KIF1B: variants seen among roughly 807,000 people sequenced by gnomAD.
KIF1B encodes the protein kinesin-like protein KIF1B.
Under a neutral mutation model 241.9 loss-of-function variants are expected in KIF1B, and 76 were observed. That is an observed-to-expected ratio of 0.31 (90% CI 0.26 to 0.38). The LOEUF (loss-of-function observed/expected upper bound fraction) is 0.38, where lower values mean the gene tolerates loss of function less well. Ranked by LOEUF, KIF1B falls within the 10% of genes least tolerant of loss-of-function variation. The pLI is 1.00. For synonymous variants in KIF1B, 750 were observed against 796.7 expected, an observed-to-expected ratio of 0.94 and a Z score of 0.99; for missense variants, 1,622 against 2,271.4, an observed-to-expected ratio of 0.71 and a Z score of 5.81.
rs1647933731 is a variant in KIF1B, at chr1:10,258,587, T to G, written c.278T>G (p.Ile93Ser). The G allele has an allele frequency of 1.2e-6, 2 of 1,614,022 alleles. No homozygotes were observed. The highest frequency in any genetic ancestry group is 3.3e-5 in the Admixed American group (2 of 59,988). ...GCCTTTGAGGGATATAATGTCTGTATTTTTGCCTATGGGCAGACTGGTGCT... is the reference window on the plus strand; with the variant it reads ...GCCTTTGAGGGATATAATGTCTGTAGTTTTGCCTATGGGCAGACTGGTGCT... Reference protein sequence around the residue: ...LHAFEGYNVCIFAYGQTGAGK... With the variant: ...LHAFEGYNVCSFAYGQTGAGK... Residue 93 changes from isoleucine (I) to serine (S), a missense_variant, in exon 4 of 49, where the codon ATT becomes AGT. Ile to Ser is a moderately radical substitution (Grantham distance 142, BLOSUM62 -2). Around this residue, in one of 7 missense-constraint regions of KIF1B, gnomAD observed 156 missense variants for 244.8 expected, o/e 0.64. Transcript: ENST00000676179.
chr1:10,375,076 T>A (rs1347195526), intron 47 of KIF1B, 30 bp downstream of exon 47: 4 of 1,603,158 alleles, frequency 2.5e-6, no homozygotes. Flanking sequence ...GGTTTCTTAT[T>A]GCCACGTGTG....
At chr1:10,366,694 G>A (rs1310054398) in intron 43 of KIF1B, among the ~76,000 whole-genome samples, 1 of 152,126 alleles carries the variant, frequency 6.6e-6, no homozygotes, top group Non-Finnish European at 1.5e-5. Context: ...GATTTCTGGC[G>A]AGGGGCGGTG....
At chr1:10,257,121 G>A (rs1364542964) in intron 3 of KIF1B, among the ~76,000 whole-genome samples, 4 of 150,256 alleles carry the variant, frequency 2.7e-5, no homozygotes, top group Admixed American at 2.7e-4. Flanking sequence ...TTTTTTGTTT[G>A]TTTGTTTGTT....
intron 15 of KIF1B, among the ~76,000 whole-genome samples, chr1:10,285,673 A>G (rs950528123): frequency 2.6e-5 from 4 of 152,222 alleles, no homozygotes; most frequent in Admixed American, 2.0e-4. Context: ...CTGAAGCATA[A>G]GCACCTTAGT....
At chr1:10,240,043 G>A (rs1471389913) in intron 2 of KIF1B, among the ~76,000 whole-genome samples, 1 of 152,114 alleles carries the variant, frequency 6.6e-6, no homozygotes, top group Non-Finnish European at 1.5e-5. Context: ...TGGGATTACA[G>A]GCATAAGCCA....
At chr1:10,340,009 C>T (rs1569858458) in intron 32 of KIF1B, 150 bp downstream of exon 32, 1 of 723,848 alleles carries the variant, frequency 1.4e-6, no homozygotes. Context: ...GTGAGGTCAT[C>T]CACAGCGGCC....
At chr1:10,239,469 G>A (rs780667828) in intron 2 of KIF1B, among the ~76,000 whole-genome samples, 2 of 151,522 alleles carry the variant, frequency 1.3e-5, no homozygotes, top group African/African-American at 4.8e-5. Context: ...TTGAAATTTT[G>A]TAATATGGGT....
chr1:10,256,457 A>G, intron 3 of KIF1B, 134 bp downstream of exon 3: 1 of 716,612 alleles, frequency 1.4e-6, no homozygotes, highest in East Asian at 2.6e-5. Flanking sequence ...TCATTCTTTG[A>G]TACAGTGATA....
intron 28 of KIF1B, 65 bp from the exon 29 acceptor site, chr1:10,336,592 G>C: frequency 7.8e-7 from 1 of 1,279,942 alleles, no homozygotes; most frequent in Non-Finnish European, 1.1e-6. Context: ...TCCAGCAAGA[G>C]CTTTTTCCCT....
At chr1:10,235,903 A>G (rs1647045264) in intron 2 of KIF1B, among the ~76,000 whole-genome samples, 1 of 150,334 alleles carries the variant, frequency 6.7e-6, no homozygotes, top group African/African-American at 2.4e-5. Flanking sequence ...AGAGTTTGGC[A>G]GAAAGCAAAT....
chr1:10,294,828 G>A (rs564718155), intron 17 of KIF1B, among the ~76,000 whole-genome samples: 11 of 152,130 alleles, frequency 7.2e-5, no homozygotes, highest in Admixed American at 1.3e-4. Flanking sequence ...AAATCATGCC[G>A]CTGTACTCTA....
chr1:10,291,732 CTCT>C (rs1347977593), intron 16 of KIF1B, among the ~76,000 whole-genome samples: 1 of 151,582 alleles, frequency 6.6e-6, no homozygotes, highest in Non-Finnish European at 1.5e-5. Flanking sequence ...AAGGAATAGC[CTCT>C]TCTTTTCTTT....
chr1:10,369,989 C>T (rs1454118548), intron 44 of KIF1B, among the ~76,000 whole-genome samples: 1 of 151,896 alleles, frequency 6.6e-6, no homozygotes, highest in Admixed American at 6.6e-5. Context: ...CATGGCGGCT[C>T]ATGCCTGTAA....
chr1:10,284,352 C>A (rs1289541922), intron 15 of KIF1B, among the ~76,000 whole-genome samples: 2 of 152,132 alleles, frequency 1.3e-5, no homozygotes, highest in African/African-American at 4.8e-5. Flanking sequence ...GAGTTCAAGA[C>A]CCGCTTGGCC....
At chr1:10,234,621 A>G (rs965282363) in intron 2 of KIF1B, among the ~76,000 whole-genome samples, 4 of 151,590 alleles carry the variant, frequency 2.6e-5, no homozygotes, top group Admixed American at 1.3e-4. Flanking sequence ...TTCCAGGCTC[A>G]ATCAATCCTC....
At chr1:10,275,223 T>G (rs1050706327) in intron 10 of KIF1B, among the ~76,000 whole-genome samples, 3 of 152,204 alleles carry the variant, frequency 2.0e-5, no homozygotes, top group Admixed American at 6.5e-5. Flanking sequence ...TTACACAGTT[T>G]TCAAAATAAA....
chr1:10,357,875 G>C (rs1274854588), intron 38 of KIF1B, among the ~76,000 whole-genome samples: 1 of 151,956 alleles, frequency 6.6e-6, no homozygotes, highest in African/African-American at 2.4e-5. Context: ...CAGACTTGGT[G>C]GTGGGCGCCT....
intron 1 of KIF1B, among the ~76,000 whole-genome samples, chr1:10,226,124 G>A (rs1304584715): frequency 3.3e-5 from 5 of 152,188 alleles, no homozygotes; most frequent in African/African-American, 1.2e-4. Context: ...AAAGGTAATG[G>A]TGGTGGTAGA....
Position 10,368,507 on chromosome 1 carries a change from G to C in KIF1B, c.4793G>C (p.Ser1598Thr). 1 of 1,614,074 alleles carries C rather than the reference G, an allele frequency of 6.2e-7. No homozygotes were observed. The highest frequency in any genetic ancestry group is 8.5e-7 in the Non-Finnish European group (1 of 1,179,988). ...LLTHTFNREF[S>T]QVHGSVSDCK... ...ACCCACACTTTCAACAGAGAATTCA[G>C]CCAGGTGCACGGCAGCGTCAGTGAC... Residue 1598 changes from serine to threonine, a missense_variant, in exon 44 of 49, where the codon AGC becomes ACC. Physicochemically the swap from Ser to Thr is moderately conservative, Grantham distance 58. Around this residue, in one of 7 missense-constraint regions of KIF1B, gnomAD observed 357 missense variants for 409.0 expected, o/e 0.87. Coordinates refer to ENST00000676179, the MANE Select transcript of KIF1B (RefSeq NM_001365951.3).
Sources: allele counts gnomAD v4.1 joint callset (sites outside exome capture counted in the v4.1 genomes callset), GRCh38; gene constraint gnomAD v4.1.1; regional missense constraint gnomAD v4.1.1; transcripts MANE v1.5; gene names NCBI Gene and HGNC (gene_info 2026-07-23, HGNC 2026-07-21).